ZNF792: variants seen among roughly 807,000 people sequenced by gnomAD.
The protein encoded by ZNF792 is zinc finger protein 792.
ZNF792 carries 14 observed loss-of-function variants against 13.1 expected under a neutral mutation model. The ratio of observed to expected loss-of-function variants is 1.07; its 90% CI spans 0.71 to 1.67. The LOEUF is 1.67. Among genes scored for constraint, ZNF792 ranks in the 40% most tolerant of loss-of-function variants. The probability of loss-of-function intolerance (pLI) is 0.00; values close to 1 mark genes in which losing one functional copy is unlikely to be tolerated. For synonymous variants in ZNF792, 257 were observed against 292.0 expected (o/e 0.88, Z 1.22); for missense variants, 740 against 807.9 (o/e 0.92, Z 1.02).
Position 34,960,952 on chromosome 19 carries a change from C to T in ZNF792, c.76G>A (p.Glu26Lys), listed in dbSNP as rs900300752. 6.2e-7 allele frequency: 1 copy of T among 1,614,000 alleles called. No homozygotes were observed. Among genetic ancestry groups the T allele is most frequent in the Non-Finnish European group, 8.5e-7 (1 of 1,179,924 alleles). The change falls in exon 2 of 4, where the codon GAG (glutamate) becomes AAG (lysine). Residue 26 changes from glutamate to lysine, a missense_variant. Coordinates refer to ENST00000404801, the MANE Select transcript of ZNF792 (RefSeq NM_175872.5). ...FEDVTIYFSQ[E>K]EWVLLDEAQR... ...GCCTCATCGAGGAGCACCCACTCCTCCTGGGAGAAGTAAATGGTCACGTCC... is the reference window on the plus strand; with the variant it reads ...GCCTCATCGAGGAGCACCCACTCCTTCTGGGAGAAGTAAATGGTCACGTCC...
chr19:34,963,944 T>G lies in ZNF792; in HGVS notation c.-282A>C. 3 of 388,288 alleles carry G rather than the reference T, an allele frequency of 7.7e-6. No homozygotes were observed. Among genetic ancestry groups the G allele is most frequent in the Non-Finnish European group, 9.2e-6 (2 of 218,094 alleles). The allele number at this position is 388,288 out of a possible 1,614,324, so 24.1% of individuals were successfully genotyped here. On this transcript the variant is annotated 5_prime_UTR_variant, in exon 1 of 4. Coordinates refer to ENST00000404801, the MANE Select transcript of ZNF792 (RefSeq NM_175872.5). ...CGCGGAGGGGGTCCCGGCCTCACTG[T>G]CCCCCTCGCGGTCCGGGAAAGCCGG...
chr19:34,963,604 G>A (rs780652928), intron 1 of ZNF792, 26 bp downstream of exon 1: 2 of 1,598,318 alleles, frequency 1.3e-6, no homozygotes, highest in Non-Finnish European at 1.7e-6. Context: ...GGCCGACAGC[G>A]AAGGGCCTAA....
chr19:34,961,059 C>T (rs943377531), intron 1 of ZNF792, 65 bp from the exon 2 acceptor site: 1 of 1,556,974 alleles, frequency 6.4e-7, no homozygotes, highest in Non-Finnish European at 8.7e-7. Flanking sequence ...TATCCATCCC[C>T]TGCTCACTCT....
rs564933599 is a variant in ZNF792, at chr19:34,958,462, G to C, written c.1393C>G (p.Leu465Val). Residue 465 changes from leucine to valine, a missense_variant, in exon 4 of 4, where the codon CTC (leucine) becomes GTC (valine). Transcript: ENST00000404801. Reference protein sequence around the residue: ...CGKAFSRSSDLMKHQRVHTGE... With the variant: ...CGKAFSRSSDVMKHQRVHTGE... ...GTGTGAACTCGCTGATGTTTCATGAGGTCAGAGCTTCGGCTGAAGGCTTTC... is the reference window on the plus strand; with the variant it reads ...GTGTGAACTCGCTGATGTTTCATGACGTCAGAGCTTCGGCTGAAGGCTTTC... The C allele has an allele frequency of 6.7e-5, 108 of 1,605,234 alleles. No homozygotes were observed. Among genetic ancestry groups the C allele is most frequent in the Non-Finnish European group, 8.8e-5 (103 of 1,175,132 alleles).
Position 34,958,801 on chromosome 19 carries a change from T to C in ZNF792, c.1054A>G (p.Asn352Asp), listed in dbSNP as rs1568551982. The C allele has an allele frequency of 1.9e-6, 3 of 1,613,344 alleles. No individual in the cohort carries two copies. Among genetic ancestry groups the C allele is most frequent in the Middle Eastern group, 3.3e-4 (2 of 6,056 alleles). Reference protein sequence around the residue: ...DCGKFFSRSSNLIQHKRVHTG... With the variant: ...DCGKFFSRSSDLIQHKRVHTG... ...TGAACCCTCTTATGCTGAATGAGGT[T>C]GGAGCTTCGGCTGAAGAATTTCCCA... The change falls in exon 4 of 4, where the codon AAC (asparagine) becomes GAC (aspartate). Residue 352 changes from asparagine (N) to aspartate (D), a missense_variant. By Grantham distance (23) the Asn-to-Asp change is conservative. Coordinates refer to ENST00000404801, the MANE Select transcript of ZNF792 (RefSeq NM_175872.5).
Position 34,958,693 on chromosome 19 carries a change from G to C in ZNF792, c.1162C>G (p.His388Asp). ...CACTCATGGGCACTTCTGCCCGTAT[G>C]AACCCTCTTATGATGAATGAGGTTG... ...RSNLIHHKRV[H>D]TGRSAHECSE... The change falls in exon 4 of 4, where the codon CAT becomes GAT. Residue 388 changes from histidine to aspartate, a missense_variant. By Grantham distance (81) the His-to-Asp change is moderately conservative. Coordinates refer to ENST00000404801, the MANE Select transcript of ZNF792 (RefSeq NM_175872.5). 1 of 1,614,094 alleles carries C rather than the reference G, an allele frequency of 6.2e-7. No homozygotes were observed. The highest frequency in any genetic ancestry group is 8.5e-7 in the Non-Finnish European group (1 of 1,179,986).
chr19:34,960,123 G>T, intron 3 of ZNF792, 112 bp downstream of exon 3: 1 of 1,452,758 alleles, frequency 6.9e-7, no homozygotes, highest in South Asian at 1.3e-5. Flanking sequence ...GCAGAGACGT[G>T]GTCTGGCTAC....
rs1475458492 is a variant in ZNF792 at position 34,959,449 on chromosome 19, T to C, written c.406A>G (p.Ile136Val). 6.2e-7 allele frequency: 1 copy of C among 1,614,108 alleles called. No homozygotes were observed. Among genetic ancestry groups the C allele is most frequent in the Non-Finnish European group, 8.5e-7 (1 of 1,179,946 alleles). ...ATGTCTTTCAAACGTAGGCCACATA[T>C]GTCACAGGGGCAGGTCTTCTGGGGG... ...LCPQKTCPCD[I>V]CGLRLKDILH... The change falls in exon 4 of 4, where the codon ATA (isoleucine) becomes GTA (valine). Residue 136 changes from isoleucine to valine, a missense_variant. Physicochemically the swap from Ile to Val is conservative, Grantham distance 29. Transcript: ENST00000404801.
rs765032957 is a variant in ZNF792 at position 34,959,535 on chromosome 19, G to T, written c.320C>A (p.Ser107Tyr). The T allele has an allele frequency of 1.3e-6, 2 of 1,565,732 alleles. No homozygotes were observed. The highest frequency in any genetic ancestry group is 1.7e-6 in the Non-Finnish European group (2 of 1,155,084). Residue 107 changes from serine (S) to tyrosine (Y), a missense_variant, in exon 4 of 4, where the codon TCT becomes TAT. Coordinates refer to ENST00000404801, the MANE Select transcript of ZNF792 (RefSeq NM_175872.5). ...CHGTEGKDLP[S>Y]EHNVSVEGVA... ...TCCTTCTACAGAAACGTTATGCTCA[G>T]AAGGTAAGTCCTTGCCCTCTGTTCC...
rs369500040 is a variant in ZNF792, at chr19:34,958,345, G to A, written c.1510C>T (p.Arg504Trp). The A allele has an allele frequency of 1.7e-4, 273 of 1,611,214 alleles. 1 individual carries two copies. In the South Asian group the frequency reaches 2.6e-3, roughly 15 times the overall value. Reference protein sequence around the residue: ...NSHRRLHTGERPYQCSECGKF... With the variant: ...NSHRRLHTGEWPYQCSECGKF... ...CCACATTCACTGCACTGGTAAGGCC[G>A]TTCACCAGTGTGAAGTCTCCGATGG... The change falls in exon 4 of 4, where the codon CGG (arginine) becomes TGG (tryptophan). Residue 504 changes from arginine (R) to tryptophan (W), a missense_variant. By Grantham distance (101) the Arg-to-Trp change is moderately radical. Transcript: ENST00000404801.
Position 34,959,559 on chromosome 19 carries a change from C to A in ZNF792, c.296G>T (p.Gly99Val). Residue 99 changes from glycine (G) to valine (V), a missense_variant, in exon 4 of 4, where the codon GGA becomes GTA. Physicochemically the swap from Gly to Val is moderately radical, Grantham distance 109. Coordinates refer to ENST00000404801, the MANE Select transcript of ZNF792 (RefSeq NM_175872.5). ...YGRPGSDFCH[G>V]TEGKDLPSEH... ...AGAAGGTAAGTCCTTGCCCTCTGTTCCATGGCAAAAATCTGAAAGCAGAGA... is the reference window on the plus strand; with the variant it reads ...AGAAGGTAAGTCCTTGCCCTCTGTTACATGGCAAAAATCTGAAAGCAGAGA... 1 of 1,521,990 alleles carries A rather than the reference C, an allele frequency of 6.6e-7. No individual in the cohort carries two copies. The highest frequency in any genetic ancestry group is 8.8e-7 in the Non-Finnish European group (1 of 1,136,368). The allele number at this position is 1,521,990 out of a possible 1,614,324, so 94.3% of individuals were successfully genotyped here.
Position 34,960,850 on chromosome 19 carries a change from TA to T in ZNF792, c.160+17del. ...CAGAGAGGAGCTCGGGACACCGGGG[TA>T]GGGGTGACAGCCTTACCCAGCGAGG... is the stretch of plus-strand genomic sequence containing the variant. On this transcript the variant is annotated intron_variant, in intron 2 of 3. Transcript: ENST00000404801. 1.9e-6 allele frequency: 3 copies of T among 1,613,746 alleles called. No individual in the cohort carries two copies. Among genetic ancestry groups the T allele is most frequent in the Non-Finnish European group, 2.5e-6 (3 of 1,179,838 alleles).
In ZNF792 at chr19:34,960,911, G is replaced by T; in HGVS notation, c.117C>A (p.Tyr39Ter). 1 of 1,614,080 alleles carries T rather than the reference G, an allele frequency of 6.2e-7. No homozygotes were observed. Among genetic ancestry groups the T allele is most frequent in the Non-Finnish European group, 8.5e-7 (1 of 1,179,964 alleles). Residue 39 changes from tyrosine to a stop codon, truncating the protein, a stop_gained, in exon 2 of 4, where the codon TAC becomes TAA. Coordinates refer to ENST00000404801, the MANE Select transcript of ZNF792 (RefSeq NM_175872.5). LOFTEE classifies it high-confidence loss of function. ...CAAAGTTTTCCAGCATCACATCGCA[G>T]TACAGGAGTCTCTGAGCCTCATCGA... is the stretch of plus-strand genomic sequence containing the variant. ...VLLDEAQRLL[Y>*]CDVMLENFAL...
Position 34,958,473 on chromosome 19 carries a change from C to T in ZNF792, c.1382G>A (p.Arg461Gln), listed in dbSNP as rs760655057. The T allele has an allele frequency of 2.6e-5, 42 of 1,595,230 alleles. No individual in the cohort carries two copies. Among genetic ancestry groups the T allele is most frequent in the South Asian group, 4.5e-5 (4 of 88,244 alleles). ...CTGATGTTTCATGAGGTCAGAGCTT[C>T]GGCTGAAGGCTTTCCCACACTCACC... ...GCGECGKAFS[R>Q]SSDLMKHQRV... Residue 461 changes from arginine (R) to glutamine (Q), a missense_variant, in exon 4 of 4, where the codon CGA becomes CAA. By Grantham distance (43) the Arg-to-Gln change is conservative. Transcript: ENST00000404801.
chr19:34,958,877 A>G lies in ZNF792; in HGVS notation c.978T>C (p.Val326=). 6.2e-7 allele frequency: 1 copy of G among 1,613,614 alleles called. No homozygotes were observed. Among genetic ancestry groups the G allele is most frequent in the Non-Finnish European group, 8.5e-7 (1 of 1,179,612 alleles). Reference sequence around the variant, plus strand: ...CACCGGTGTGAACCCTGCGATGTTTAACAAGGCTGGAGTGCTGGCTGAAGA... The same window carrying G: ...CACCGGTGTGAACCCTGCGATGTTTGACAAGGCTGGAGTGCTGGCTGAAGA... ...GKFFSQHSSL[V]KHRRVHTGES... is the part of the protein sequence containing the mutation. Residue 326 remains valine (V), a synonymous_variant, in exon 4 of 4, where the codon GTT becomes GTC. Transcript: ENST00000404801.
In ZNF792 at chr19:34,958,880, A is replaced by G. The variant is rs548749242; in HGVS notation, c.975T>C (p.Leu325=). ...CGKFFSQHSS[L]VKHRRVHTGE... ...CGGTGTGAACCCTGCGATGTTTAACAAGGCTGGAGTGCTGGCTGAAGAATT... is the reference window on the plus strand; with the variant it reads ...CGGTGTGAACCCTGCGATGTTTAACGAGGCTGGAGTGCTGGCTGAAGAATT... Residue 325 remains leucine (L), a synonymous_variant, in exon 4 of 4, where the codon CTT becomes CTC. Transcript: ENST00000404801. 9 of 1,613,462 alleles carry G rather than the reference A, an allele frequency of 5.6e-6. No homozygotes were observed. The highest frequency in any genetic ancestry group is 7.6e-6 in the Non-Finnish European group (9 of 1,179,574).
chr19:34,957,994 G>A lies in ZNF792; in HGVS notation c.1861C>T (p.Leu621Phe), dbSNP rs747444990. The stretch of plus-strand genomic sequence containing the variant: ...CCAGGGTGGGTACTTGGATGAACAA[G>A]TTTCAACTTGTAGTTGACAGCGCCC... ...YQGAVNYKLK[L>F]VHPSTHPGEV... The change falls in exon 4 of 4, where the codon CTT becomes TTT. Residue 621 changes from leucine (L) to phenylalanine (F), a missense_variant. Physicochemically the swap from Leu to Phe is conservative, Grantham distance 22. Transcript: ENST00000404801. 6.2e-7 allele frequency: 1 copy of A among 1,612,656 alleles called. No individual in the cohort carries two copies. The highest frequency in any genetic ancestry group is 1.7e-5 in the Admixed American group (1 of 59,882).
Position 34,963,859 on chromosome 19 carries a change from C to G in ZNF792, c.-197G>C. 1.6e-6 allele frequency: 1 copy of G among 613,764 alleles called. No homozygotes were observed. Among genetic ancestry groups the G allele is most frequent in the Non-Finnish European group, 2.7e-6 (1 of 370,658 alleles). The allele number at this position is 613,764 out of a possible 1,614,324, so 38.0% of individuals were successfully genotyped here. ...GCCCGGGGCGCAGGCTCCGGGGGCG[C>G]CGAGAGCGCGCAGCTCCGCTGGGTA... On this transcript the variant is annotated 5_prime_UTR_variant, in exon 1 of 4. Transcript: ENST00000404801.
rs1188499340 is a variant in ZNF792 at position 34,960,707 on chromosome 19, A to G, written c.160+161T>C. Reference sequence around the variant, plus strand: ...GGCAGCTCAGGGAGAGGAGGGAACAATGCACATAGCTCAGCCCCAGAAGCC... The same window carrying G: ...GGCAGCTCAGGGAGAGGAGGGAACAGTGCACATAGCTCAGCCCCAGAAGCC... On this transcript the variant is annotated intron_variant, in intron 2 of 3. Transcript: ENST00000404801. The G allele has an allele frequency of 4.5e-6, 5 of 1,107,850 alleles. No homozygotes were observed. In the East Asian group the frequency reaches 1.3e-4, roughly 29 times the overall value. 68.6% of individuals were successfully genotyped at this position (1,107,850 alleles called of 1,614,324 possible).
Sources: allele counts gnomAD v4.1 joint callset, GRCh38; gene constraint gnomAD v4.1.1; transcripts MANE v1.5; gene names NCBI Gene and HGNC (gene_info 2026-07-23, HGNC 2026-07-21).